RSRC1: variants seen among roughly 807,000 people sequenced by gnomAD.
RSRC1 encodes serine/Arginine-related protein 53.
A neutral mutation model predicts 49.1 loss-of-function variants in RSRC1; 39 were observed. The observed-to-expected ratio is 0.79, with a 90% CI of 0.61 to 1.04. The LOEUF is 1.04. RSRC1 is among the 50% of genes least tolerant of loss of function. The pLI, the probability that RSRC1 is intolerant of heterozygous loss-of-function variation, is 0.00. For synonymous variants in RSRC1, 143 were observed against 130.8 expected (o/e 1.09, Z -0.63); for missense variants, 388 against 402.4 (o/e 0.96, Z 0.31).
At chr3:158,484,071 A>G (rs1382642657) in intron 7 of RSRC1, among the ~76,000 whole-genome samples, 3 of 152,092 alleles carry the variant, frequency 2.0e-5, no homozygotes, top group Non-Finnish European at 4.4e-5. Context: ...ATTTTTCATC[A>G]TGGCAAATTT....
chr3:158,435,352 T>C (rs933788673), intron 6 of RSRC1, among the ~76,000 whole-genome samples: 1 of 151,778 alleles, frequency 6.6e-6, no homozygotes, highest in Non-Finnish European at 1.5e-5. Context: ...TCAGTGTCAT[T>C]GTTTTATGTT....
intron 4 of RSRC1, among the ~76,000 whole-genome samples, chr3:158,204,567 T>C (rs1721245806): frequency 6.6e-6 from 1 of 152,138 alleles, no homozygotes; most frequent in Non-Finnish European, 1.5e-5. Context: ...AGAAAGCATA[T>C]TGGGAAAATC....
chr3:158,535,142 C>T (rs1212036360), intron 7 of RSRC1, among the ~76,000 whole-genome samples: 1 of 151,286 alleles, frequency 6.6e-6, no homozygotes, highest in Admixed American at 6.6e-5. Flanking sequence ...CATAATTATG[C>T]AGAGAATTAT....
At chr3:158,325,005 T>C (rs1728999821) in intron 5 of RSRC1, among the ~76,000 whole-genome samples, 1 of 152,244 alleles carries the variant, frequency 6.6e-6, no homozygotes, top group Non-Finnish European at 1.5e-5. Flanking sequence ...TTGTTTCATG[T>C]GTCTGTTGGC....
At chr3:158,495,409 T>G (rs1739278448) in intron 7 of RSRC1, among the ~76,000 whole-genome samples, 1 of 151,988 alleles carries the variant, frequency 6.6e-6, no homozygotes, top group Admixed American at 6.6e-5. Context: ...CTCAGCCTCC[T>G]GAGTAGCTAG....
intron 5 of RSRC1, among the ~76,000 whole-genome samples, chr3:158,317,934 G>A (rs1267557153): frequency 6.6e-6 from 1 of 152,164 alleles, no homozygotes; most frequent in Non-Finnish European, 1.5e-5. Flanking sequence ...CCAGCTCACA[G>A]CCTGTGGCCC....
At chr3:158,515,893 G>T (rs12491778) in intron 7 of RSRC1, among the ~76,000 whole-genome samples, 30,995 of 151,474 alleles carry the variant, frequency 0.2, 3,693 homozygotes, top group South Asian at 0.29. Context: ...GATCACATCG[G>T]CTCCTGAGGC....
chr3:158,348,928 CT>C (rs1313609954), intron 5 of RSRC1, among the ~76,000 whole-genome samples: 2 of 152,068 alleles, frequency 1.3e-5, no homozygotes, highest in East Asian at 1.9e-4. Context: ...TGATTTGGTT[CT>C]TTTTTTGTGG....
At chr3:158,508,209 G>A (rs1199235951) in intron 7 of RSRC1, among the ~76,000 whole-genome samples, 3 of 152,120 alleles carry the variant, frequency 2.0e-5, no homozygotes, top group African/African-American at 7.2e-5. Flanking sequence ...AAGAACTGTA[G>A]GCAATTTGAA....
chr3:158,339,304 A>C, intron 5 of RSRC1, among the ~76,000 whole-genome samples: 1 of 100,478 alleles, frequency 1.0e-5, no homozygotes, highest in Non-Finnish European at 2.7e-5. Flanking sequence ...GTCTCAAAAA[A>C]AAAAAAAAAA....
chr3:158,307,678 G>T (rs1727912861), intron 5 of RSRC1, among the ~76,000 whole-genome samples: 2 of 151,802 alleles, frequency 1.3e-5, no homozygotes, highest in African/African-American at 4.8e-5. Flanking sequence ...AAACTTTCAA[G>T]CAATGTAATT....
At chr3:158,219,108 G>A (rs1722101161) in intron 4 of RSRC1, among the ~76,000 whole-genome samples, 1 of 151,584 alleles carries the variant, frequency 6.6e-6, no homozygotes, top group South Asian at 2.1e-4. Flanking sequence ...GGAAGAATAT[G>A]GAAGAGGAAG....
At chr3:158,509,433 G>A (rs946472404) in intron 7 of RSRC1, among the ~76,000 whole-genome samples, 3 of 151,978 alleles carry the variant, frequency 2.0e-5, no homozygotes, top group Non-Finnish European at 2.9e-5. Context: ...AATTTTATGC[G>A]TATTCTTCTC....
intron 6 of RSRC1, among the ~76,000 whole-genome samples, chr3:158,417,933 A>G (rs753864009): frequency 6.6e-6 from 1 of 151,932 alleles, no homozygotes; most frequent in Non-Finnish European, 1.5e-5. Flanking sequence ...GAGCCTATCA[A>G]ATTGCTTTTA....
At chr3:158,132,987 A>G (rs1716138949) in intron 3 of RSRC1, among the ~76,000 whole-genome samples, 1 of 152,132 alleles carries the variant, frequency 6.6e-6, no homozygotes, top group Admixed American at 6.6e-5. Flanking sequence ...CGACTTCTGG[A>G]ATAAACGGAT....
chr3:158,507,782 C>T (rs1208341608), intron 7 of RSRC1, among the ~76,000 whole-genome samples: 1 of 152,040 alleles, frequency 6.6e-6, no homozygotes, highest in African/African-American at 2.4e-5. Flanking sequence ...GTTTTTAATC[C>T]AGGGCATTGG....
At chr3:158,137,299 A>T (rs1477258622) in intron 3 of RSRC1, among the ~76,000 whole-genome samples, 1 of 152,128 alleles carries the variant, frequency 6.6e-6, no homozygotes, top group Non-Finnish European at 1.5e-5. Context: ...GCAAAAAGTG[A>T]ACTGTTAAGT....
chr3:158,526,144 T>C (rs1051966357), intron 7 of RSRC1, among the ~76,000 whole-genome samples: 2 of 151,982 alleles, frequency 1.3e-5, no homozygotes, highest in Non-Finnish European at 2.9e-5. Context: ...CAAAATACTC[T>C]GCTTTTAGAA....
intron 5 of RSRC1, among the ~76,000 whole-genome samples, chr3:158,344,744 TCAA>T: frequency 6.6e-6 from 1 of 152,264 alleles, no homozygotes; most frequent in East Asian, 1.9e-4. Context: ...TCTTAAAGCA[TCAA>T]CAACAACAAT....
Sources: gnomAD v4.1 joint callset for allele counts (sites outside exome capture counted in the v4.1 genomes callset) on GRCh38, gnomAD v4.1.1 for gene constraint, MANE v1.5 for transcripts, NCBI Gene and HGNC (gene_info 2026-07-23, HGNC 2026-07-21) for gene names.